The following CPEB1 variants were observed in gnomAD, a reference collection of about 807,000 sequenced individuals.
The protein encoded by CPEB1 is cytoplasmic polyadenylation element binding protein 1, also known as cytoplasmic polyadenylation element-binding protein 1.
In CPEB1, 7 loss-of-function variants were observed where a neutral mutation model predicts 65.8. The ratio of observed to expected loss-of-function variants is 0.11; its 90% CI spans 0.06 to 0.20. The LOEUF (loss-of-function observed/expected upper bound fraction) is 0.20. CPEB1 is among the 10% of genes least tolerant of loss of function. The pLI is 1.00. For synonymous variants in CPEB1, 262 were observed against 260.0 expected, an observed-to-expected ratio of 1.01 and a Z score of -0.08; for missense variants, 551 against 712.2, an observed-to-expected ratio of 0.77 and a Z score of 2.58.
At position 82,552,627 on chromosome 15, in the gene CPEB1, T is replaced by A; in HGVS notation, c.1145-11A>T. On this transcript the variant is annotated splice_polypyrimidine_tract_variant and intron_variant, in intron 8 of 12. Transcript: ENST00000684509. ...CCAGATACACATACCCTATTCCCAA[T>A]GAGAGGAAAAATCGCATTAATATCC... 6.2e-7 allele frequency: 1 copy of A among 1,613,836 alleles called. No individual in the cohort carries two copies. Among genetic ancestry groups the A allele is most frequent in the African/African-American group, 1.3e-5 (1 of 74,988 alleles).
At chr15:82,608,407 G>C (rs374255883) in intron 3 of CPEB1, among the ~76,000 whole-genome samples, 1 of 139,464 alleles carries the variant, frequency 7.2e-6, no homozygotes, top group African/African-American at 2.7e-5. Context: ...ATGACAATTC[G>C]TTGAGGATGG....
chr15:82,548,460 A>T (rs2035663539), intron 10 of CPEB1, among the ~76,000 whole-genome samples: 1 of 152,228 alleles, frequency 6.6e-6, no homozygotes, highest in South Asian at 2.1e-4. Context: ...CATATTTGAC[A>T]GTGGAGATCA....
At chr15:82,605,304 C>CA (rs1205406933) in intron 3 of CPEB1, among the ~76,000 whole-genome samples, 1 of 151,786 alleles carries the variant, frequency 6.6e-6, no homozygotes, top group Non-Finnish European at 1.5e-5. Context: ...TAAAGAAGAC[C>CA]AAAAAAGATA....
intron 1 of CPEB1, among the ~76,000 whole-genome samples, chr15:82,642,718 G>A (rs948029572): frequency 6.6e-6 from 1 of 152,160 alleles, no homozygotes; most frequent in East Asian, 1.9e-4. Context: ...GGGCTTTCTG[G>A]CAAATTCTCC....
At chr15:82,619,565 T>A (rs552116718) in intron 3 of CPEB1, among the ~76,000 whole-genome samples, 1 of 152,150 alleles carries the variant, frequency 6.6e-6, no homozygotes, top group Non-Finnish European at 1.5e-5. Flanking sequence ...ATGTGGCCTA[T>A]ATAAAGAACT....
At chr15:82,642,472 G>A (rs1345486978) in intron 1 of CPEB1, among the ~76,000 whole-genome samples, 2 of 152,202 alleles carry the variant, frequency 1.3e-5, no homozygotes, top group African/African-American at 4.8e-5. Context: ...CCTTAAGCCA[G>A]GGAGCTTTGA....
At chr15:82,579,740 G>A (rs1468054683) in intron 3 of CPEB1, among the ~76,000 whole-genome samples, 4 of 144,394 alleles carry the variant, frequency 2.8e-5, no homozygotes, top group African/African-American at 5.1e-5. Flanking sequence ...GTGAAACCCC[G>A]TCTCTACTAA....
At chr15:82,583,162 C>T (rs940230882) in intron 3 of CPEB1, among the ~76,000 whole-genome samples, 1 of 152,174 alleles carries the variant, frequency 6.6e-6, no homozygotes, top group Non-Finnish European at 1.5e-5. Context: ...GATAATTTTA[C>T]TTCTTACCCA....
intron 11 of CPEB1, among the ~76,000 whole-genome samples, chr15:82,546,924 C>A (rs2035332590): frequency 6.6e-6 from 1 of 152,214 alleles, no homozygotes; most frequent in African/African-American, 2.4e-5. Context: ...GCACCCTACA[C>A]ACTGAAGAGG....
chr15:82,545,176 C>A (rs1443175397), intron 12 of CPEB1, among the ~76,000 whole-genome samples: 2 of 152,186 alleles, frequency 1.3e-5, no homozygotes, highest in Non-Finnish European at 2.9e-5. Context: ...TGCTGTGTAA[C>A]GTCAGGCAAG....
intron 3 of CPEB1, chr15:82,573,304 C>A: frequency 6.6e-6 from 5 of 752,980 alleles, no homozygotes; most frequent in Non-Finnish European, 1.0e-5. Context: ...TGTAGATATT[C>A]TGCTTGCTCC....
At position 82,609,637 on chromosome 15, in the gene CPEB1, A is replaced by T. The variant is rs142218791; in HGVS notation, c.271+17556T>A. ...AGTCGAAATAATGTCTAGAAAAACT[A>T]TAAAAAAAAAAAACAGAAGTTGGTT... On this transcript the variant is annotated intron_variant, in intron 3 of 12. Coordinates refer to ENST00000684509, the MANE Select transcript of CPEB1 (RefSeq NM_001365242.1). Among the ~76,000 whole-genome samples, 213 of 151,734 alleles carry T rather than the reference A, an allele frequency of 1.4e-3. 2 individuals are homozygous for T. In the East Asian group the frequency reaches 0.032, roughly 23 times the overall value.
chr15:82,613,401 T>C (rs1457536536), intron 3 of CPEB1, among the ~76,000 whole-genome samples: 1 of 152,182 alleles, frequency 6.6e-6, no homozygotes, highest in African/African-American at 2.4e-5. Flanking sequence ...TGTTTTGTTT[T>C]TTTGGAGACA....
intron 6 of CPEB1, among the ~76,000 whole-genome samples, chr15:82,554,793 A>T (rs866084556): frequency 6.6e-5 from 10 of 152,246 alleles, no homozygotes; most frequent in South Asian, 2.1e-4. Context: ...TATTTCCTAA[A>T]AGGAATAGGC....
intron 10 of CPEB1, among the ~76,000 whole-genome samples, chr15:82,549,062 G>A (rs2035798196): frequency 6.6e-6 from 1 of 152,242 alleles, no homozygotes; most frequent in Non-Finnish European, 1.5e-5. Context: ...TCTGACCTTA[G>A]ACAATGCCAG....
rs766583427 is a variant in CPEB1, at chr15:82,626,782, TA to T, written c.271+410del. Reference sequence around the variant, plus strand: ...CTGGATTTTGAAGTCGTAGTACTAATAAAAAAAATCTCATTAATAGTTTTCA... The same window carrying T: ...CTGGATTTTGAAGTCGTAGTACTAATAAAAAAATCTCATTAATAGTTTTCA... On this transcript the variant is annotated intron_variant, in intron 3 of 12. Coordinates refer to ENST00000684509, the MANE Select transcript of CPEB1 (RefSeq NM_001365242.1). Among the ~76,000 whole-genome samples, 69 of 152,202 alleles carry T rather than the reference TA, an allele frequency of 4.5e-4. 2 individuals are homozygous for T. Among genetic ancestry groups the T allele is most frequent in the Admixed American group, 2.9e-3 (45 of 15,262 alleles).
chr15:82,543,271 T>TAC lies in CPEB1; in HGVS notation c.*1320_*1321insGT, dbSNP rs1301507673. ...CTTACTCCACACATCTGTAGGAGAG[T>TAC]GCAGTCTTGCCTGCATATACTACAA... On this transcript the variant is annotated 3_prime_UTR_variant, in exon 13 of 13. Coordinates refer to ENST00000684509, the MANE Select transcript of CPEB1 (RefSeq NM_001365242.1). The TAC allele has an allele frequency of 3.3e-5, 5 of 152,054 alleles. No homozygotes were observed. The highest frequency in any genetic ancestry group is 1.2e-4 in the African/African-American group (5 of 41,324). The allele number at this position is 152,054 out of a possible 1,614,324, so 9.4% of individuals were successfully genotyped here.
At chr15:82,554,526 A>G (rs1378762147) in intron 6 of CPEB1, among the ~76,000 whole-genome samples, 2 of 152,238 alleles carry the variant, frequency 1.3e-5, no homozygotes, top group African/African-American at 2.4e-5. Flanking sequence ...TAAGACAAGA[A>G]TGTCACAACT....
At chr15:82,621,538 T>C (rs369175966) in intron 3 of CPEB1, among the ~76,000 whole-genome samples, 17 of 151,978 alleles carry the variant, frequency 1.1e-4, no homozygotes, top group African/African-American at 3.6e-4. Context: ...GGAGACTCAC[T>C]TGAACCCGGG....
Sources: allele counts gnomAD v4.1 joint callset (sites outside exome capture counted in the v4.1 genomes callset), GRCh38; gene constraint gnomAD v4.1.1; transcripts MANE v1.5; gene names NCBI Gene and HGNC (gene_info 2026-07-23, HGNC 2026-07-21).